The following LHFPL3 variants were observed in gnomAD, a reference collection of about 807,000 sequenced individuals.
LHFPL3 encodes the protein LHFPL tetraspan subfamily member 3, also known as LHFPL tetraspan subfamily member 3 protein.
LHFPL3 carries 5 observed loss-of-function variants against 19.3 expected under a neutral mutation model. The ratio of observed to expected loss-of-function variants is 0.26; its 90% CI spans 0.14 to 0.54. LHFPL3 has a LOEUF of 0.54. Ranked by LOEUF, LHFPL3 falls within the 20% of genes least tolerant of loss-of-function variation. The pLI is 0.94. For synonymous variants in LHFPL3, 133 were observed against 126.2 expected, an observed-to-expected ratio of 1.05 and a Z score of -0.36; for missense variants, 249 against 307.4, an observed-to-expected ratio of 0.81 and a Z score of 1.42.
intron 1 of LHFPL3, among the ~76,000 whole-genome samples, chr7:104,360,927 T>C (rs1456255179): frequency 1.3e-5 from 2 of 152,236 alleles, no homozygotes; most frequent in Non-Finnish European, 1.5e-5. Context: ...TGTTTTTGTA[T>C]GATTCTACAT....
rs1466594948 is a variant in LHFPL3 at position 104,622,961 on chromosome 7, G to C, written c.446-113714G>C. The C allele has an allele frequency of 1.2e-5, 4 of 320,216 alleles. No homozygotes were observed. The Admixed American group carries it at 1.4e-4, about 11-fold the overall frequency. 19.8% of individuals were successfully genotyped at this position (320,216 alleles called of 1,614,324 possible). A position where few individuals can be genotyped will look rare whatever the true frequency, so the allele number is the denominator to read the frequency against. ...AGGGTTCCAGGTTTTATTTTTATCT[G>C]TCATTTTTATTATAGCTATCCTGGA... On this transcript the variant is annotated intron_variant, in intron 1 of 2. Coordinates refer to ENST00000424859, the MANE Select transcript of LHFPL3 (RefSeq NM_199000.3).
At chr7:104,481,869 G>T (rs552817382) in intron 1 of LHFPL3, among the ~76,000 whole-genome samples, 4 of 152,276 alleles carry the variant, frequency 2.6e-5, no homozygotes, top group African/African-American at 9.6e-5. Context: ...GACTGAAGTA[G>T]GTGACTGACC....
At chr7:104,789,062 T>C (rs1457564054) in intron 2 of LHFPL3, among the ~76,000 whole-genome samples, 1 of 152,204 alleles carries the variant, frequency 6.6e-6, no homozygotes, top group African/African-American at 2.4e-5. Context: ...AAAATGTGTT[T>C]CTTTAAACTC....
At chr7:104,493,081 A>G (rs1386570742) in intron 1 of LHFPL3, among the ~76,000 whole-genome samples, 3 of 151,982 alleles carry the variant, frequency 2.0e-5, no homozygotes, top group Non-Finnish European at 2.9e-5. Context: ...TTTTCCACAT[A>G]CTCTTTAACC....
chr7:104,435,683 T>A (rs1192146318), intron 1 of LHFPL3, among the ~76,000 whole-genome samples: 1 of 152,058 alleles, frequency 6.6e-6, no homozygotes, highest in East Asian at 1.9e-4. Flanking sequence ...GCCCCTTGCT[T>A]GGGTTGTTGA....
chr7:104,393,854 C>T (rs914359752), intron 1 of LHFPL3, among the ~76,000 whole-genome samples: 3 of 152,078 alleles, frequency 2.0e-5, no homozygotes, highest in African/African-American at 7.2e-5. Flanking sequence ...TCACAAAAGA[C>T]CACATATGGT....
chr7:104,666,801 C>T (rs540230677), intron 1 of LHFPL3, among the ~76,000 whole-genome samples: 5 of 152,032 alleles, frequency 3.3e-5, no homozygotes, highest in African/African-American at 1.2e-4. Context: ...GGATTACAGG[C>T]GTGAGCCACC....
chr7:104,540,151 C>T (rs1299634857), intron 1 of LHFPL3, among the ~76,000 whole-genome samples: 1 of 152,010 alleles, frequency 6.6e-6, no homozygotes. Context: ...GTGCTATAGG[C>T]ATTGTGCAAG....
At chr7:104,563,631 A>C (rs1318505462) in intron 1 of LHFPL3, among the ~76,000 whole-genome samples, 3 of 152,246 alleles carry the variant, frequency 2.0e-5, no homozygotes, top group Non-Finnish European at 4.4e-5. Context: ...AAATGCAGAA[A>C]TCACCCGTCT....
chr7:104,477,467 T>C (rs937333290), intron 1 of LHFPL3, among the ~76,000 whole-genome samples: 1 of 152,158 alleles, frequency 6.6e-6, no homozygotes, highest in African/African-American at 2.4e-5. Context: ...GGATAATCAT[T>C]AATCAAATAA....
At chr7:104,859,621 A>T (rs10085831) in intron 2 of LHFPL3, among the ~76,000 whole-genome samples, 30,254 of 152,072 alleles carry the variant, frequency 0.2, 3,292 homozygotes, top group East Asian at 0.37. Flanking sequence ...GTGAGCTGAG[A>T]TCATACCACC....
At chr7:104,749,610 G>A (rs1160849422) in intron 2 of LHFPL3, among the ~76,000 whole-genome samples, 1 of 146,622 alleles carries the variant, frequency 6.8e-6, no homozygotes, top group East Asian at 2.0e-4. Context: ...GGTTGGAGAG[G>A]CCCCATGGGT....
rs1790959166 is a variant in LHFPL3, at chr7:104,831,851, G to T, written c.683-74336G>T. On this transcript the variant is annotated intron_variant, in intron 2 of 2. Transcript: ENST00000424859. ...TACTGCTTATTATTTGAGTGACTTT[G>T]GTTAGTGACTGAAACCTTTTGTTTT... 4.6e-5 allele frequency among the ~76,000 whole-genome samples: 7 copies of T among 151,906 alleles called. No individual in the cohort carries two copies. The South Asian group carries it at 1.0e-3, about 22-fold the overall frequency.
intron 1 of LHFPL3, among the ~76,000 whole-genome samples, chr7:104,420,427 G>A (rs117428901): frequency 0.017 from 2,580 of 152,292 alleles, 39 homozygotes; most frequent in Non-Finnish European, 0.027. Context: ...AAAAAGAAAA[G>A]AGGAGCTTTG....
chr7:104,603,070 CTTTCTTTCTT>C (rs1562947425), intron 1 of LHFPL3, among the ~76,000 whole-genome samples: 2,149 of 58,724 alleles, frequency 0.037, 59 homozygotes, highest in East Asian at 0.12. Flanking sequence ...CTTTCTTTTT[CTTTCTTTCTT>C]TCTTTCTTTC....
At chr7:104,627,556 T>C (rs2193213) in intron 1 of LHFPL3, among the ~76,000 whole-genome samples, 145,936 of 152,250 alleles carry the variant, frequency 0.96, 70,202 homozygotes, top group East Asian at 1. Context: ...CAATGCATCT[T>C]TGTGTCATCC....
chr7:104,723,604 C>G (rs1196559859), intron 1 of LHFPL3, among the ~76,000 whole-genome samples: 5 of 151,424 alleles, frequency 3.3e-5, no homozygotes, highest in African/African-American at 1.2e-4. Flanking sequence ...CACCTATAAT[C>G]CCAGCTACTT....
chr7:104,651,012 C>T (rs1013347848), intron 1 of LHFPL3, among the ~76,000 whole-genome samples: 5 of 152,314 alleles, frequency 3.3e-5, no homozygotes, highest in African/African-American at 1.2e-4. Flanking sequence ...CTTCTTATGA[C>T]AGCAGGGTCA....
intron 1 of LHFPL3, among the ~76,000 whole-genome samples, chr7:104,673,325 A>C (rs150340688): frequency 6.6e-6 from 1 of 152,200 alleles, no homozygotes; most frequent in African/African-American, 2.4e-5. Flanking sequence ...CCAAAAATAG[A>C]CTATTAAATA....
Sources: allele counts gnomAD v4.1 joint callset (sites outside exome capture counted in the v4.1 genomes callset), GRCh38; gene constraint gnomAD v4.1.1; transcripts MANE v1.5; gene names NCBI Gene and HGNC (gene_info 2026-07-23, HGNC 2026-07-21).